The following COG3 variants were observed in gnomAD, a reference collection of about 807,000 sequenced individuals.
COG3 encodes the protein conserved oligomeric Golgi complex subunit 3.
In COG3, 32 loss-of-function variants were observed where a neutral mutation model predicts 114.1. The observed-to-expected ratio is 0.28, with a 90% CI of 0.21 to 0.38. The LOEUF (loss-of-function observed/expected upper bound fraction) is 0.38, where lower values mean the gene tolerates loss of function less well. COG3 is among the 10% of genes least tolerant of loss of function. The pLI is 1.00. For synonymous variants in COG3, 352 were observed against 365.7 expected, an observed-to-expected ratio of 0.96 and a Z score of 0.43; for missense variants, 813 against 973.2, an observed-to-expected ratio of 0.84 and a Z score of 2.19.
Position 45,535,939 on chromosome 13 carries a change from G to A in COG3, c.*1208G>A, listed in dbSNP as rs887744019. On this transcript the variant is annotated 3_prime_UTR_variant, in exon 23 of 23. Transcript: ENST00000349995. ...GAGGTGGACATTGTCAGGGGTTCTGGAATGGGACCAGGGGACCTTTTGGTG... is the reference window on the plus strand; with the variant it reads ...GAGGTGGACATTGTCAGGGGTTCTGAAATGGGACCAGGGGACCTTTTGGTG... The A allele has an allele frequency of 6.3e-6, 6 of 955,286 alleles. No individual in the cohort carries two copies. In the African/African-American group the frequency reaches 1.1e-4, roughly 17 times the overall value. 59.2% of individuals were successfully genotyped at this position (955,286 alleles called of 1,614,324 possible). A position where few individuals can be genotyped will look rare whatever the true frequency, so the allele number is the denominator to read the frequency against.
intron 19 of COG3, among the ~76,000 whole-genome samples, chr13:45,521,203 C>G (rs951969242): frequency 2.0e-5 from 3 of 152,042 alleles, no homozygotes; most frequent in Non-Finnish European, 4.4e-5. Flanking sequence ...AGAAAATATT[C>G]CAAGTCTGAA....
At chr13:45,516,300 T>C (rs756160707) in intron 17 of COG3, 37 bp downstream of exon 17, 1 of 1,544,498 alleles carries the variant, frequency 6.5e-7, no homozygotes, top group African/African-American at 1.4e-5. Context: ...TTGGGTGTGT[T>C]TGATCTGTCC....
chr13:45,520,104 A>G (rs1361574652), intron 19 of COG3, among the ~76,000 whole-genome samples: 3 of 152,092 alleles, frequency 2.0e-5, no homozygotes, highest in African/African-American at 7.2e-5. Flanking sequence ...CCTGGGTAAC[A>G]TAGTGAGACC....
In COG3 at chr13:45,496,157, C is replaced by T. The variant is rs1006733586; in HGVS notation, c.1333C>T (p.Gln445Ter). Residue 445 changes from glutamine (Q) to a stop codon, truncating the protein, a stop_gained, in exon 13 of 23, where the codon CAA becomes TAA. Coordinates refer to ENST00000349995, the MANE Select transcript of COG3 (RefSeq NM_031431.4). LOFTEE classifies it high-confidence loss of function. ...TGATTGCACTTTTTTATCAGCTGAGCAACTGGGGGCATTTGCAGCTGGAGT... is the reference window on the plus strand; with the variant it reads ...TGATTGCACTTTTTTATCAGCTGAGTAACTGGGGGCATTTGCAGCTGGAGT... ...LEDHVQNNAE[Q>*]LGAFAAGVKQ... 23 of 1,605,804 alleles carry T rather than the reference C, an allele frequency of 1.4e-5. No homozygotes were observed. Among genetic ancestry groups the T allele is most frequent in the Non-Finnish European group, 2.0e-5 (23 of 1,175,400 alleles).
chr13:45,520,355 T>A (rs1413502909), intron 19 of COG3, among the ~76,000 whole-genome samples: 1 of 151,994 alleles, frequency 6.6e-6, no homozygotes, highest in Non-Finnish European at 1.5e-5. Context: ...AATTTTTATT[T>A]ATTAAGCCGC....
At chr13:45,526,050 A>ATTTTTGGAG (rs1362342530) in intron 20 of COG3, among the ~76,000 whole-genome samples, 2 of 143,946 alleles carry the variant, frequency 1.4e-5, no homozygotes, top group East Asian at 4.0e-4. Context: ...AAAGGATTGA[A>ATTTTTGGAG]GCTATTCAAA....
rs1310638044 is a variant in COG3, at chr13:45,516,280, G to A, written c.1930+17G>A. On this transcript the variant is annotated intron_variant, in intron 17 of 22. Transcript: ENST00000349995. ...AAACTAGAGGTACTTTGCTGTCCTG[G>A]CTGGCACACTTGGGTGTGTTTGATC... is the stretch of plus-strand genomic sequence containing the variant. The A allele has an allele frequency of 5.1e-6, 8 of 1,561,454 alleles. No individual in the cohort carries two copies. Among genetic ancestry groups the A allele is most frequent in the Non-Finnish European group, 7.0e-6 (8 of 1,146,554 alleles).
intron 17 of COG3, among the ~76,000 whole-genome samples, chr13:45,517,438 C>T (rs1242745295): frequency 2.0e-5 from 3 of 152,114 alleles, no homozygotes; most frequent in African/African-American, 4.8e-5. Context: ...TTGTCCACCA[C>T]GGAGAATATG....
At chr13:45,465,251 G>C (rs1885059920) in intron 1 of COG3, 41 bp downstream of exon 1, 5 of 1,603,044 alleles carry the variant, frequency 3.1e-6, no homozygotes, top group Non-Finnish European at 4.3e-6. Context: ...CGATGGGGCT[G>C]GGATTCTCCT....
At chr13:45,513,400 C>T (rs3928768) in intron 16 of COG3, among the ~76,000 whole-genome samples, 191 of 35,052 alleles carry the variant, frequency 5.4e-3, no homozygotes, top group African/African-American at 8.4e-3. Context: ...ATAAATTATA[C>T]ATATAATATA....
intron 4 of COG3, among the ~76,000 whole-genome samples, chr13:45,480,995 A>G (rs914905140): frequency 3.3e-5 from 5 of 152,212 alleles, no homozygotes; most frequent in African/African-American, 1.2e-4. Flanking sequence ...CTCTGTATGT[A>G]CTTTTGTGTA....
chr13:45,498,546 G>T (rs1274032867), intron 13 of COG3, among the ~76,000 whole-genome samples: 1 of 151,864 alleles, frequency 6.6e-6, no homozygotes, highest in Admixed American at 6.6e-5. Context: ...CTATCCAGTT[G>T]TTCCAGCATC....
chr13:45,532,526 C>T (rs1873243119), intron 22 of COG3, among the ~76,000 whole-genome samples: 1 of 146,546 alleles, frequency 6.8e-6, no homozygotes, highest in African/African-American at 2.6e-5. Flanking sequence ...CTATAGTTAA[C>T]TCTTTTTATT....
At chr13:45,521,577 GCACACACACA>G (rs3084002) in intron 19 of COG3, among the ~76,000 whole-genome samples, 14 of 148,482 alleles carry the variant, frequency 9.4e-5, no homozygotes, top group East Asian at 7.9e-4. Flanking sequence ...ATACATACGT[GCACACACACA>G]CACACACACA....
chr13:45,486,653 C>T (rs1886689187), intron 8 of COG3, 78 bp downstream of exon 8: 1 of 859,262 alleles, frequency 1.2e-6, no homozygotes, highest in Non-Finnish European at 2.0e-6. Context: ...GTATGTTAGG[C>T]TCTTTGTTTA....
Position 45,503,245 on chromosome 13 carries a change from A to G in COG3, c.1490A>G (p.Gln497Arg), listed in dbSNP as rs976968780. Residue 497 changes from glutamine (Q) to arginine (R), a missense_variant and splice_region_variant, in exon 14 of 23, where the codon CAG (glutamine) becomes CGG (arginine). Physicochemically the swap from Gln to Arg is conservative, Grantham distance 43 (BLOSUM62 1). Around this residue, in one of 2 missense-constraint regions of COG3, gnomAD observed 389 missense variants for 542.6 expected, o/e 0.72. Coordinates refer to ENST00000349995, the MANE Select transcript of COG3 (RefSeq NM_031431.4). ...AYPDKLVMMEQIAQSLKDEQK... is the reference protein window; with the variant it reads ...AYPDKLVMMERIAQSLKDEQK... ...ATTCCTTCTGATTTCTTTATACAGCAGATTGCACAGAGTTTGAAAGATGAA... is the reference window on the plus strand; with the variant it reads ...ATTCCTTCTGATTTCTTTATACAGCGGATTGCACAGAGTTTGAAAGATGAA... 6.6e-7 allele frequency: 1 copy of G among 1,508,558 alleles called. No homozygotes were observed. Among genetic ancestry groups the G allele is most frequent in the Non-Finnish European group, 9.2e-7 (1 of 1,084,450 alleles). 93.4% of individuals were successfully genotyped at this position (1,508,558 alleles called of 1,614,324 possible).
In COG3 at chr13:45,473,117, C is replaced by T. The variant is rs575863677; in HGVS notation, c.175-3084C>T. Among the ~76,000 whole-genome samples, 5 of 152,330 alleles carry T rather than the reference C, an allele frequency of 3.3e-5. 1 individual carries two copies. In the South Asian group the frequency reaches 8.3e-4, roughly 25 times the overall value. ...ATCTCCTGACCTCGTGATCCTCCCA[C>T]CTCAGCCTCCCAAAGTGCTGGGATT... is the stretch of plus-strand genomic sequence containing the variant. On this transcript the variant is annotated intron_variant, in intron 1 of 22. Coordinates refer to ENST00000349995, the MANE Select transcript of COG3 (RefSeq NM_031431.4).
chr13:45,498,462 C>A (rs994587705), intron 13 of COG3, among the ~76,000 whole-genome samples: 3 of 148,788 alleles, frequency 2.0e-5, no homozygotes, highest in Non-Finnish European at 4.4e-5. Context: ...CGGGTTCAAG[C>A]GATTTCAAGA....
chr13:45,476,355 G>T lies in COG3; in HGVS notation c.321+8G>T, dbSNP rs1332920985. 1 of 1,611,796 alleles carries T rather than the reference G, an allele frequency of 6.2e-7. No homozygotes were observed. On this transcript the variant is annotated splice_region_variant and intron_variant, in intron 2 of 22. Transcript: ENST00000349995. The stretch of plus-strand genomic sequence containing the variant: ...ATTGAAACCGCACAGCAGGTGAATT[G>T]CAGTATCTTTTCTAAGGATGTTTGA...
Sources: gnomAD v4.1 joint callset for allele counts (sites outside exome capture counted in the v4.1 genomes callset) on GRCh38, gnomAD v4.1.1 for gene constraint, gnomAD v4.1.1 regional missense constraint, MANE v1.5 for transcripts, NCBI Gene and HGNC (gene_info 2026-07-23, HGNC 2026-07-21) for gene names.